Variants in FARP1 observed in about 807,000 individuals in gnomAD.
FARP1 encodes the protein FERM, ARH/RhoGEF and pleckstrin domain protein 1.
Under a neutral mutation model 128.8 loss-of-function variants are expected in FARP1, and 52 were observed. That is an observed-to-expected ratio of 0.40 (90% CI 0.32 to 0.51). FARP1 has a LOEUF of 0.51. FARP1 is among the 20% of genes least tolerant of loss of function. FARP1 has a pLI of 0.45. For missense variants in FARP1, 1,333 were observed against 1,367.9 expected (o/e 0.97, Z 0.40); for synonymous variants, 580 against 551.8 (o/e 1.05, Z -0.72).
In FARP1 at chr13:98,176,786, G is replaced by A. The variant is rs1878083880; in HGVS notation, c.-24+33294G>A. On this transcript the variant is annotated intron_variant, in intron 1 of 26. Coordinates refer to ENST00000319562, the MANE Select transcript of FARP1 (RefSeq NM_005766.4). The surrounding 1 kb of genome is among the most constrained non-coding windows in gnomAD (Gnocchi z 6.2). ...GGCTTCAGGTACCTCAGGTAGCTGT[G>A]GATTCCCCGGTAGATGTGGTCGTGC... is the stretch of plus-strand genomic sequence containing the variant. 6.2e-7 allele frequency: 1 copy of A among 1,613,876 alleles called. No homozygotes were observed. Among genetic ancestry groups the A allele is most frequent in the Non-Finnish European group, 8.5e-7 (1 of 1,180,016 alleles).
intron 1 of FARP1, among the ~76,000 whole-genome samples, chr13:98,189,669 A>G (rs1233989464): frequency 2.0e-5 from 3 of 152,230 alleles, no homozygotes; most frequent in Non-Finnish European, 2.9e-5. Context: ...ATTGCCATGC[A>G]TATTATAGAA....
intron 6 of FARP1, among the ~76,000 whole-genome samples, chr13:98,378,909 A>ATATATAAT (rs59298355): frequency 1.2e-5 from 1 of 82,474 alleles, no homozygotes; most frequent in South Asian, 4.5e-4. Flanking sequence ...ATATATATAT[A>ATATATAAT]ATATATATAT....
At position 98,176,236 on chromosome 13, in the gene FARP1, A is replaced by G; in HGVS notation, c.-24+32744A>G. 1 of 1,602,960 alleles carries G rather than the reference A, an allele frequency of 6.2e-7. No homozygotes were observed. Among genetic ancestry groups the G allele is most frequent in the Non-Finnish European group, 8.5e-7 (1 of 1,170,414 alleles). ...ATTATGGGAAACCTAAGCCATGGGA[A>G]TTGGACACTCATGGGGGTCTTCTGT... On this transcript the variant is annotated intron_variant, in intron 1 of 26. Coordinates refer to ENST00000319562, the MANE Select transcript of FARP1 (RefSeq NM_005766.4). The surrounding 1 kb of genome is among the most constrained non-coding windows in gnomAD (Gnocchi z 6.2).
At chr13:98,400,137 C>T (rs1435242728) in intron 13 of FARP1, 1 of 152,168 alleles carries the variant, frequency 6.6e-6, no homozygotes, top group African/African-American at 2.4e-5. Context: ...ATTTTATTCT[C>T]AAGAACTTAT....
At chr13:98,170,514 G>A (rs1877580901) in intron 1 of FARP1, among the ~76,000 whole-genome samples, 2 of 152,056 alleles carry the variant, frequency 1.3e-5, no homozygotes, top group Non-Finnish European at 2.9e-5. Flanking sequence ...GTGCCACCAC[G>A]CCCGGCTAAT....
At chr13:98,271,094 C>T in intron 2 of FARP1, among the ~76,000 whole-genome samples, 1 of 152,202 alleles carries the variant, frequency 6.6e-6, no homozygotes, top group East Asian at 1.9e-4. Context: ...GACAGAAGAG[C>T]TGAAAGCAGC....
At chr13:98,251,807 G>C (rs1319347683) in intron 2 of FARP1, among the ~76,000 whole-genome samples, 2 of 152,114 alleles carry the variant, frequency 1.3e-5, no homozygotes, top group Admixed American at 1.3e-4. Context: ...ACCATAAAAA[G>C]ATAGCAGATT....
intron 14 of FARP1, 60 bp from the exon 15 acceptor site, chr13:98,410,674 C>A: frequency 1.3e-6 from 1 of 799,718 alleles, no homozygotes; most frequent in South Asian, 1.5e-5. Context: ...TGAGGACATT[C>A]TCCGAGACGC....
At chr13:98,325,450 G>A (rs981056838) in intron 2 of FARP1, among the ~76,000 whole-genome samples, 12 of 152,128 alleles carry the variant, frequency 7.9e-5, no homozygotes, top group African/African-American at 2.7e-4. Flanking sequence ...ATTAAATTTA[G>A]GTTAGGCTGA....
At chr13:98,439,219 G>A in intron 21 of FARP1, 23 bp downstream of exon 21, 11 of 1,552,706 alleles carry the variant, frequency 7.1e-6, no homozygotes, top group East Asian at 2.3e-5. Context: ...CAGGCTCGTG[G>A]CCAGGGCCTG....
chr13:98,393,520 G>GTA (rs1890391928), intron 11 of FARP1, 123 bp from the exon 12 acceptor site: 1 of 719,346 alleles, frequency 1.4e-6, no homozygotes, highest in Non-Finnish European at 2.5e-6. Flanking sequence ...GCGGCTCTGG[G>GTA]TACCATCATT....
At chr13:98,437,003 T>A (rs9556957) in intron 19 of FARP1, among the ~76,000 whole-genome samples, 124,212 of 152,196 alleles carry the variant, frequency 0.82, 50,862 homozygotes, top group East Asian at 0.99. Flanking sequence ...GCTCTACCAG[T>A]GCCGGGGTGG....
At chr13:98,374,467 C>G (rs1889491431) in intron 5 of FARP1, among the ~76,000 whole-genome samples, 1 of 152,128 alleles carries the variant, frequency 6.6e-6, no homozygotes, top group African/African-American at 2.4e-5. Context: ...CAGATCCACT[C>G]TAGGACCACA....
intron 4 of FARP1, among the ~76,000 whole-genome samples, chr13:98,367,840 C>T (rs1042937964): frequency 6.6e-6 from 1 of 152,102 alleles, no homozygotes; most frequent in Non-Finnish European, 1.5e-5. Context: ...TTTTAAAAAA[C>T]CTAGATAAAA....
intron 2 of FARP1, among the ~76,000 whole-genome samples, chr13:98,303,857 A>T (rs924884539): frequency 4.6e-5 from 7 of 152,228 alleles, no homozygotes; most frequent in African/African-American, 1.7e-4. Flanking sequence ...CAATTAAGAA[A>T]TTCAAAGACT....
chr13:98,308,024 ACT>A (rs869143880), intron 2 of FARP1, among the ~76,000 whole-genome samples: 3 of 20,750 alleles, frequency 1.4e-4, no homozygotes, highest in African/African-American at 4.1e-4. Context: ...GCCCGCCCCC[ACT>A]CTCTCTCTTT....
intron 3 of FARP1, among the ~76,000 whole-genome samples, chr13:98,356,621 T>TTTA (rs1888654533): frequency 6.9e-6 from 1 of 144,304 alleles, no homozygotes. Context: ...CCTTTTAAAA[T>TTTA]TTTATTTATT....
intron 2 of FARP1, among the ~76,000 whole-genome samples, chr13:98,318,838 G>T (rs1432212497): frequency 3.9e-5 from 6 of 151,902 alleles, no homozygotes; most frequent in African/African-American, 1.5e-4. Context: ...GCCTGGTGGC[G>T]TTTGTATCTT....
chr13:98,372,346 A>G (rs775772215), intron 5 of FARP1, among the ~76,000 whole-genome samples: 1 of 151,978 alleles, frequency 6.6e-6, no homozygotes, highest in Non-Finnish European at 1.5e-5. Flanking sequence ...TGGCCTCCCA[A>G]AGTGCTGGCA....
Sources: allele counts gnomAD v4.1 joint callset (sites outside exome capture counted in the v4.1 genomes callset), GRCh38; gene constraint gnomAD v4.1.1; non-coding constraint Gnocchi (gnomAD v3.1); transcripts MANE v1.5; gene names NCBI Gene and HGNC (gene_info 2026-07-23, HGNC 2026-07-21).